TM7SF3: variants seen among roughly 807,000 people sequenced by gnomAD.
TM7SF3 encodes the protein transmembrane 7 superfamily member 3, also known as seven span transmembrane protein.
TM7SF3 carries 60 observed loss-of-function variants against 65.5 expected under a neutral mutation model. The ratio of observed to expected loss-of-function variants is 0.92; its 90% CI spans 0.74 to 1.14. The LOEUF is 1.14. Ranked by LOEUF, TM7SF3 falls within the 50% of genes most tolerant of loss-of-function variation. TM7SF3 has a pLI of 0.00. For synonymous variants in TM7SF3, 264 were observed against 259.6 expected (o/e 1.02, Z -0.16); for missense variants, 623 against 684.8 (o/e 0.91, Z 1.01).
At chr12:27,013,828 A>T (rs750936769) in intron 1 of TM7SF3, among the ~76,000 whole-genome samples, 2 of 152,190 alleles carry the variant, frequency 1.3e-5, no homozygotes, top group Non-Finnish European at 2.9e-5. Context: ...TACTGTGTTA[A>T]AAAAAGAGAA....
At chr12:27,009,271 T>C (rs569275477) in intron 1 of TM7SF3, among the ~76,000 whole-genome samples, 33 of 152,310 alleles carry the variant, frequency 2.2e-4, no homozygotes, top group Non-Finnish European at 3.8e-4. Context: ...AGCCTGTCAA[T>C]ATCCACACAC....
intron 1 of TM7SF3, among the ~76,000 whole-genome samples, chr12:27,011,493 T>C (rs1417843876): frequency 1.3e-5 from 2 of 152,226 alleles, no homozygotes. Flanking sequence ...CCAAGATTTA[T>C]TTAGCATTCA....
intron 6 of TM7SF3, among the ~76,000 whole-genome samples, chr12:26,984,420 A>C (rs1939951392): frequency 1.3e-5 from 2 of 149,754 alleles, no homozygotes; most frequent in African/African-American, 5.0e-5. Context: ...TCGCAGCCAG[A>C]CTCCATCTCA....
intron 5 of TM7SF3, among the ~76,000 whole-genome samples, chr12:26,994,497 C>A (rs1464602010): frequency 1.3e-5 from 2 of 152,210 alleles, no homozygotes; most frequent in African/African-American, 2.4e-5. Flanking sequence ...CAGGCATCTA[C>A]CAACATGCCT....
chr12:26,974,374 TACA>T, intron 11 of TM7SF3, 147 bp from the exon 12 acceptor site: 2 of 848,556 alleles, frequency 2.4e-6, no homozygotes, highest in Non-Finnish European at 3.5e-6. Flanking sequence ...GTTCCTCAGT[TACA>T]AACCAAGGAA....
chr12:27,000,743 G>C (rs757307656), intron 2 of TM7SF3, among the ~76,000 whole-genome samples: 7 of 152,170 alleles, frequency 4.6e-5, no homozygotes, highest in Non-Finnish European at 8.8e-5. Flanking sequence ...ACAGGCGTGA[G>C]CCACCGTGCC....
At chr12:26,982,907 T>C in intron 6 of TM7SF3, 48 bp from the exon 7 acceptor site, 1 of 1,330,974 alleles carries the variant, frequency 7.5e-7, no homozygotes, top group Non-Finnish European at 1.0e-6. Context: ...ATTTGATACT[T>C]TGTATTAATA....
chr12:26,982,883 G>A, intron 6 of TM7SF3, 24 bp from the exon 7 acceptor site: 1 of 1,492,326 alleles, frequency 6.7e-7, no homozygotes, highest in Admixed American at 2.0e-5. Context: ...AAAATTTAGT[G>A]GATAATACAT....
chr12:26,975,372 T>C, intron 11 of TM7SF3, 124 bp downstream of exon 11: 1 of 905,460 alleles, frequency 1.1e-6, no homozygotes, highest in Non-Finnish European at 1.7e-6. Context: ...CATTGTATGC[T>C]GTGTTCCCTC....
chr12:27,006,479 G>GA (rs978641211), intron 1 of TM7SF3, among the ~76,000 whole-genome samples: 17 of 149,788 alleles, frequency 1.1e-4, no homozygotes, highest in African/African-American at 2.7e-4. Flanking sequence ...ACACACACTA[G>GA]AAAAAAAAAG....
intron 5 of TM7SF3, among the ~76,000 whole-genome samples, chr12:26,991,954 G>C (rs1940387482): frequency 1.3e-5 from 2 of 152,116 alleles, no homozygotes; most frequent in Admixed American, 1.3e-4. Flanking sequence ...GGGCAGTCTT[G>C]TTAAAAGGTA....
At chr12:27,009,761 T>C (rs1278091864) in intron 1 of TM7SF3, among the ~76,000 whole-genome samples, 3 of 152,172 alleles carry the variant, frequency 2.0e-5, no homozygotes, top group Non-Finnish European at 4.4e-5. Context: ...TTATAAAAAG[T>C]TCTCCATGTA....
At chr12:26,974,744 CT>C (rs1337693117) in intron 11 of TM7SF3, among the ~76,000 whole-genome samples, 2 of 152,152 alleles carry the variant, frequency 1.3e-5, no homozygotes, top group Non-Finnish European at 2.9e-5. Context: ...TGGCAAAACA[CT>C]GTCTGGTACT....
intron 2 of TM7SF3, among the ~76,000 whole-genome samples, chr12:27,002,792 G>C (rs1277932067): frequency 6.6e-6 from 1 of 152,114 alleles, no homozygotes; most frequent in Non-Finnish European, 1.5e-5. Flanking sequence ...TTTTTTTGTT[G>C]TTTGCGTGAC....
rs149730466 is a variant in TM7SF3 at position 26,990,478 on chromosome 12, C to T, written c.840G>A (p.Glu280=). Reference sequence around the variant, plus strand: ...GGGAAGCACAACTACCCTCTCCTGCCTCAAAGCTGCAAGCGTATGTGTGAG... The same window carrying T: ...GGGAAGCACAACTACCCTCTCCTGCTTCAAAGCTGCAAGCGTATGTGTGAG... The part of the protein sequence containing the change: ...IPAHTYACSF[E]AGEGSCASLG... The change falls in exon 6 of 12, where the codon GAG becomes GAA. Residue 280 remains glutamate, a synonymous_variant. Coordinates refer to ENST00000343028, the MANE Select transcript of TM7SF3 (RefSeq NM_016551.3). The T allele has an allele frequency of 1.2e-6, 2 of 1,613,786 alleles. No individual in the cohort carries two copies. The highest frequency in any genetic ancestry group is 2.7e-5 in the African/African-American group (2 of 74,918).
chr12:26,994,850 G>T (rs1272436494), intron 5 of TM7SF3, among the ~76,000 whole-genome samples: 1 of 152,192 alleles, frequency 6.6e-6, no homozygotes, highest in Non-Finnish European at 1.5e-5. Context: ...GTTCAAATAT[G>T]AATGCCAATG....
chr12:26,980,289 C>G (rs561799926), intron 8 of TM7SF3: 3 of 528,430 alleles, frequency 5.7e-6, no homozygotes, highest in Non-Finnish European at 1.0e-5. Flanking sequence ...TGTTGTACAT[C>G]TCATATCTTC....
At chr12:26,994,105 C>G (rs1940488604) in intron 5 of TM7SF3, among the ~76,000 whole-genome samples, 1 of 152,050 alleles carries the variant, frequency 6.6e-6, no homozygotes, top group Non-Finnish European at 1.5e-5. Context: ...TACAAAAAGC[C>G]TATTATACAA....
At position 26,972,335 on chromosome 12, in the gene TM7SF3, T is replaced by G. The variant is rs1292125332; in HGVS notation, c.*1630A>C. Reference sequence around the variant, plus strand: ...TACAGAAATTATTAAAAACTATATTTTACACTAATGCTAACAGCTAATTGA... The same window carrying G: ...TACAGAAATTATTAAAAACTATATTGTACACTAATGCTAACAGCTAATTGA... On this transcript the variant is annotated 3_prime_UTR_variant, in exon 12 of 12. Transcript: ENST00000343028. The G allele has an allele frequency of 6.6e-6, 1 of 152,164 alleles. No individual in the cohort carries two copies. Among genetic ancestry groups the G allele is most frequent in the East Asian group, 1.9e-4 (1 of 5,202 alleles). The allele number at this position is 152,164 out of a possible 1,614,324, so 9.4% of individuals were successfully genotyped here. A position where few individuals can be genotyped will look rare whatever the true frequency, so the allele number is the denominator to read the frequency against.
Sources: allele counts gnomAD v4.1 joint callset (sites outside exome capture counted in the v4.1 genomes callset), GRCh38; gene constraint gnomAD v4.1.1; transcripts MANE v1.5; gene names NCBI Gene and HGNC (gene_info 2026-07-23, HGNC 2026-07-21).